SPOP: variants seen among roughly 807,000 people sequenced by gnomAD.
SPOP encodes the protein speckle type BTB/POZ protein.
A neutral mutation model predicts 45.6 loss-of-function variants in SPOP; 11 were observed. The ratio of observed to expected loss-of-function variants is 0.24; its 90% CI spans 0.15 to 0.40. SPOP has a LOEUF of 0.40. Ranked by LOEUF, SPOP falls within the 10% of genes least tolerant of loss-of-function variation. The pLI is 1.00. For synonymous variants in SPOP, 166 were observed against 166.3 expected (o/e 1.00, Z 0.01); for missense variants, 152 against 465.6 (o/e 0.33, Z 6.20).
Position 49,607,939 on chromosome 17 carries a change from C to A in SPOP, c.659-10G>T. 6.2e-7 allele frequency: 1 copy of A among 1,611,474 alleles called. No homozygotes were observed. The highest frequency in any genetic ancestry group is 8.5e-7 in the Non-Finnish European group (1 of 1,178,522). On this transcript the variant is annotated splice_polypyrimidine_tract_variant and intron_variant, in intron 6 of 9. Transcript: ENST00000504102. ...AAAACCGGAGAACGAGCTACAAAGTCAAAGAGAAACAAGCAGATAAGGCTA... is the reference window on the plus strand; with the variant it reads ...AAAACCGGAGAACGAGCTACAAAGTAAAAGAGAAACAAGCAGATAAGGCTA...
chr17:49,623,747 C>T (rs1370980416), intron 1 of SPOP, among the ~76,000 whole-genome samples: 2 of 152,092 alleles, frequency 1.3e-5, no homozygotes, highest in African/African-American at 4.8e-5. Flanking sequence ...TGTCATCACT[C>T]GATATTTCAG....
At chr17:49,604,013 C>A (rs1408020874) in intron 8 of SPOP, among the ~76,000 whole-genome samples, 1 of 152,206 alleles carries the variant, frequency 6.6e-6, no homozygotes, top group African/African-American at 2.4e-5. Flanking sequence ...TGCGGATATA[C>A]AACTCTGAGC....
chr17:49,669,078 T>A (rs1230663312), intron 1 of SPOP, among the ~76,000 whole-genome samples: 1 of 138,794 alleles, frequency 7.2e-6, no homozygotes, highest in Non-Finnish European at 1.6e-5. Context: ...GCCCGGCCTT[T>A]TTTTTTTGAG....
Position 49,599,849 on chromosome 17 carries a change from G to C in SPOP, c.*529C>G, listed in dbSNP as rs1240090018. The C allele has an allele frequency of 4.6e-6, 1 of 217,496 alleles. No individual in the cohort carries two copies. The highest frequency in any genetic ancestry group is 9.3e-6 in the Non-Finnish European group (1 of 107,898). The allele number at this position is 217,496 out of a possible 1,614,324, so 13.5% of individuals were successfully genotyped here. On this transcript the variant is annotated 3_prime_UTR_variant, in exon 10 of 10. Coordinates refer to ENST00000504102, the MANE Select transcript of SPOP (RefSeq NM_001007228.2). ...TCTGATGCTTGTATGGTGGTAAGGAGTTTTCACAAATATCCAAGTTTTAGC... is the reference window on the plus strand; with the variant it reads ...TCTGATGCTTGTATGGTGGTAAGGACTTTTCACAAATATCCAAGTTTTAGC...
chr17:49,626,340 A>G (rs2072330568), intron 1 of SPOP, among the ~76,000 whole-genome samples: 1 of 152,060 alleles, frequency 6.6e-6, no homozygotes, highest in African/African-American at 2.4e-5. Flanking sequence ...TCAACTTTTA[A>G]TCTTTTATAT....
At chr17:49,641,401 A>C (rs2143437199) in intron 1 of SPOP, among the ~76,000 whole-genome samples, 1 of 151,934 alleles carries the variant, frequency 6.6e-6, no homozygotes, top group South Asian at 2.1e-4. Context: ...GTCTTCTCTA[A>C]CTGGAAAATA....
rs747470722 is a variant in SPOP at position 49,661,804 on chromosome 17, G to A, written c.-67+16129C>T. ...TGAGGCAGGCAAATCACCTGAAGTC[G>A]GGAGTTCAAGACCAGCCTGACCAAC... On this transcript the variant is annotated intron_variant, in intron 1 of 9. Coordinates refer to ENST00000504102, the MANE Select transcript of SPOP (RefSeq NM_001007228.2). Among the ~76,000 whole-genome samples the A allele has an allele frequency of 2.0e-5, 3 of 151,860 alleles. No individual in the cohort carries two copies. In the Middle Eastern group the frequency reaches 0.01, roughly 517 times the overall value.
Position 49,600,630 on chromosome 17 carries a change from T to C in SPOP, c.981-108A>G. The C allele has an allele frequency of 8.1e-7, 1 of 1,242,116 alleles. No individual in the cohort carries two copies. The highest frequency in any genetic ancestry group is 1.3e-5 in the South Asian group (1 of 75,406). 76.9% of individuals were successfully genotyped at this position (1,242,116 alleles called of 1,614,324 possible). ...CACTGTTAGGTATAAAGGGTGTCAA[T>C]GCAAGAAACAGAAGAACCCTTAATA... On this transcript the variant is annotated intron_variant, in intron 9 of 9. Coordinates refer to ENST00000504102, the MANE Select transcript of SPOP (RefSeq NM_001007228.2). The surrounding 1 kb of genome is among the most constrained non-coding windows in gnomAD (Gnocchi z 4.2).
chr17:49,637,175 G>A (rs569893071), intron 1 of SPOP, among the ~76,000 whole-genome samples: 10 of 151,958 alleles, frequency 6.6e-5, no homozygotes, highest in Admixed American at 2.0e-4. Flanking sequence ...CAGAGATTCC[G>A]GTGACCTCAA....
At position 49,619,313 on chromosome 17, in the gene SPOP, G is replaced by A. The variant is rs2072166000; in HGVS notation, c.273C>T (p.Val91=). 1 of 1,614,076 alleles carries A rather than the reference G, an allele frequency of 6.2e-7. No homozygotes were observed. Residue 91 remains valine (V), a synonymous_variant, in exon 4 of 10, where the codon GTC becomes GTT. Coordinates refer to ENST00000504102, the MANE Select transcript of SPOP (RefSeq NM_001007228.2). This position sits in a 1 kb window ranked among gnomAD's most constrained non-coding sequence, Gnocchi z 4.9. ...KDYLSLYLLL[V]SCPKSEVRAK... ...CCCGAACTTCACTCTTTGGACAGCTGACCAGTAACAGGTAAAGTGACAGGT... is the reference window on the plus strand; with the variant it reads ...CCCGAACTTCACTCTTTGGACAGCTAACCAGTAACAGGTAAAGTGACAGGT...
At chr17:49,620,754 A>C (rs1414846072) in intron 3 of SPOP, 1 of 154,150 alleles carries the variant, frequency 6.5e-6, no homozygotes, top group Non-Finnish European at 1.5e-5. Context: ...CATGGGTTTC[A>C]GGCACTGCTT....
At chr17:49,661,139 TA>T in intron 1 of SPOP, among the ~76,000 whole-genome samples, 1 of 152,232 alleles carries the variant, frequency 6.6e-6, no homozygotes, top group East Asian at 1.9e-4. Context: ...CAGTACCTAC[TA>T]AAAAAATAGT....
intron 1 of SPOP, among the ~76,000 whole-genome samples, chr17:49,655,691 T>A (rs771895095): frequency 2.0e-5 from 3 of 152,180 alleles, no homozygotes; most frequent in Non-Finnish European, 4.4e-5. Flanking sequence ...GAACTCAGCA[T>A]GAGATAAATG....
At chr17:49,677,610 C>T (rs767373573) in intron 1 of SPOP, among the ~76,000 whole-genome samples, 3 of 152,144 alleles carry the variant, frequency 2.0e-5, no homozygotes, top group South Asian at 2.1e-4. Context: ...CGCGTTCACA[C>T]TCGCGCATGC....
At chr17:49,643,950 A>G (rs2072707293) in intron 1 of SPOP, among the ~76,000 whole-genome samples, 2 of 151,576 alleles carry the variant, frequency 1.3e-5, no homozygotes, top group African/African-American at 2.4e-5. Context: ...AAAAAAAAAG[A>G]AAGTATTCTA....
intron 1 of SPOP, 100 bp from the exon 2 acceptor site, chr17:49,622,976 T>C (rs2072250186): frequency 6.6e-6 from 4 of 602,824 alleles, no homozygotes; most frequent in Middle Eastern, 3.6e-4. Context: ...GTCTCCACAT[T>C]GTTTGAGTGG....
At chr17:49,615,942 G>A (rs1469515511) in intron 5 of SPOP, among the ~76,000 whole-genome samples, 1 of 152,166 alleles carries the variant, frequency 6.6e-6, no homozygotes, top group East Asian at 1.9e-4. Context: ...TCAAAGGATT[G>A]TAATAAGGGA....
Position 49,599,838 on chromosome 17 carries a change from G to C in SPOP, c.*540C>G. On this transcript the variant is annotated 3_prime_UTR_variant, in exon 10 of 10. Coordinates refer to ENST00000504102, the MANE Select transcript of SPOP (RefSeq NM_001007228.2). ...AAGAGAGCTCTTCTGATGCTTGTAT[G>C]GTGGTAAGGAGTTTTCACAAATATC... 1 of 215,476 alleles carries C rather than the reference G, an allele frequency of 4.6e-6. No individual in the cohort carries two copies. The highest frequency in any genetic ancestry group is 9.4e-6 in the Non-Finnish European group (1 of 106,560). 13.3% of individuals were successfully genotyped at this position (215,476 alleles called of 1,614,324 possible).
chr17:49,646,734 G>A (rs559056485), intron 1 of SPOP: 1 of 152,300 alleles, frequency 6.6e-6, no homozygotes, highest in South Asian at 2.1e-4. Context: ...GGCACACAGA[G>A]CAAGCAAGTA....
Sources: allele counts gnomAD v4.1 joint callset (sites outside exome capture counted in the v4.1 genomes callset), GRCh38; gene constraint gnomAD v4.1.1; non-coding constraint Gnocchi (gnomAD v3.1); transcripts MANE v1.5; gene names NCBI Gene and HGNC (gene_info 2026-07-23, HGNC 2026-07-21).